The following FARP1 variants were observed in gnomAD, a reference collection of about 807,000 sequenced individuals.
The protein encoded by FARP1 is FERM, ARH/RhoGEF and pleckstrin domain protein 1, also known as FERM, ARHGEF and pleckstrin domain-containing protein 1.
Under a neutral mutation model 128.8 loss-of-function variants are expected in FARP1, and 52 were observed. The ratio of observed to expected loss-of-function variants is 0.40; its 90% confidence interval spans 0.32 to 0.51. The LOEUF (loss-of-function observed/expected upper bound fraction) is 0.51, where lower values mean the gene tolerates loss of function less well. FARP1 is among the 20% of genes least tolerant of loss of function. The pLI, the probability that FARP1 is intolerant of heterozygous loss-of-function variation, is 0.45. For synonymous variants in FARP1, 580 were observed against 551.8 expected (o/e 1.05, Z -0.72); for missense variants, 1,333 against 1,367.9 (o/e 0.97, Z 0.40).
chr13:98,171,379 T>C (rs1479683577), intron 1 of FARP1, among the ~76,000 whole-genome samples: 1 of 152,196 alleles, frequency 6.6e-6, no homozygotes, highest in Non-Finnish European at 1.5e-5. Context: ...CCCCCTCCCA[T>C]TCAGCATGAG....
chr13:98,203,742 T>C (rs1880096888), intron 1 of FARP1: 2 of 152,164 alleles, frequency 1.3e-5, no homozygotes, highest in African/African-American at 4.8e-5. Flanking sequence ...ATGTTTTCAT[T>C]TGTCCTGGGA....
chr13:98,233,031 G>A (rs1215826480), intron 2 of FARP1, among the ~76,000 whole-genome samples: 4 of 152,198 alleles, frequency 2.6e-5, no homozygotes, highest in Non-Finnish European at 5.9e-5. Flanking sequence ...GGCTGTAAGC[G>A]AGCACTTGCC....
intron 2 of FARP1, among the ~76,000 whole-genome samples, chr13:98,270,069 A>G (rs1276166609): frequency 2.0e-5 from 3 of 152,218 alleles, no homozygotes; most frequent in Non-Finnish European, 4.4e-5. Context: ...CACTGAATCT[A>G]ACTGAAAGGC....
chr13:98,176,736 G>C lies in FARP1; in HGVS notation c.-24+33244G>C. On this transcript the variant is annotated intron_variant, in intron 1 of 26. Transcript: ENST00000319562. The surrounding 1 kb of genome is among the most constrained non-coding windows in gnomAD (Gnocchi z 6.2). ...GGCCCTTCCTCGCCATCCCCGAGGA[G>C]GAGTTGCCCATGGACGTGTCCTTGG... The C allele has an allele frequency of 6.2e-7, 1 of 1,614,110 alleles. No individual in the cohort carries two copies. The highest frequency in any genetic ancestry group is 8.5e-7 in the Non-Finnish European group (1 of 1,179,988).
chr13:98,436,981 G>A (rs1892294948), intron 19 of FARP1, among the ~76,000 whole-genome samples: 1 of 152,212 alleles, frequency 6.6e-6, no homozygotes, highest in South Asian at 2.1e-4. Flanking sequence ...GTGGCCCTGG[G>A]TTCAAAGTCT....
chr13:98,415,913 C>T (rs1193884457), intron 16 of FARP1, among the ~76,000 whole-genome samples: 4 of 152,260 alleles, frequency 2.6e-5, no homozygotes, highest in Non-Finnish European at 2.9e-5. Context: ...GTGTGGGCCT[C>T]GTTGAACCGC....
chr13:98,361,481 G>A (rs542977498), intron 3 of FARP1, among the ~76,000 whole-genome samples: 21 of 152,286 alleles, frequency 1.4e-4, no homozygotes, highest in East Asian at 3.9e-4. Flanking sequence ...TCATTGATTC[G>A]TCCTGGGGAG....
chr13:98,181,595 ATATTATT>A (rs1878515609), intron 1 of FARP1, among the ~76,000 whole-genome samples: 2 of 137,028 alleles, frequency 1.5e-5, no homozygotes, highest in African/African-American at 5.2e-5. Flanking sequence ...TTTAGAAATA[ATATTATT>A]TATTTATTTA....
intron 2 of FARP1, among the ~76,000 whole-genome samples, chr13:98,270,530 A>T (rs1262922431): frequency 6.6e-6 from 1 of 152,170 alleles, no homozygotes; most frequent in Non-Finnish European, 1.5e-5. Context: ...TTGAATGCTC[A>T]TCCTGAGGAC....
chr13:98,295,104 C>CACAT (rs1311993898), intron 2 of FARP1, among the ~76,000 whole-genome samples: 8 of 25,494 alleles, frequency 3.1e-4, no homozygotes, highest in African/African-American at 5.3e-4. Context: ...CACACACACA[C>CACAT]ATATATCCCC....
chr13:98,393,902 G>A (rs1273320036), intron 12 of FARP1, among the ~76,000 whole-genome samples, 184 bp downstream of exon 12: 1 of 152,204 alleles, frequency 6.6e-6, no homozygotes, highest in African/African-American at 2.4e-5. Context: ...CCGGCAGCCT[G>A]GGCTCAGAGG....
chr13:98,310,555 G>A (rs961357741), intron 2 of FARP1, among the ~76,000 whole-genome samples: 7 of 152,316 alleles, frequency 4.6e-5, no homozygotes, highest in African/African-American at 1.7e-4. Flanking sequence ...AGTCTGAAAT[G>A]TGGAGGTTTC....
chr13:98,268,889 A>AT (rs552700568), intron 2 of FARP1, among the ~76,000 whole-genome samples: 1 of 148,704 alleles, frequency 6.7e-6, no homozygotes, highest in African/African-American at 2.5e-5. Context: ...ATTTATTTTT[A>AT]TTTTTTTATT....
chr13:98,207,418 C>T (rs1880336416), intron 1 of FARP1, among the ~76,000 whole-genome samples: 1 of 152,060 alleles, frequency 6.6e-6, no homozygotes, highest in African/African-American at 2.4e-5. Context: ...GGATTCAGTT[C>T]AGAGGATGAG....
At chr13:98,308,188 T>G (rs989534729) in intron 2 of FARP1, among the ~76,000 whole-genome samples, 1 of 152,082 alleles carries the variant, frequency 6.6e-6, no homozygotes, top group Non-Finnish European at 1.5e-5. Context: ...ACATTTGACT[T>G]TGTTTACGTG....
chr13:98,229,182 A>G (rs1881968898), intron 2 of FARP1, among the ~76,000 whole-genome samples: 2 of 152,124 alleles, frequency 1.3e-5, no homozygotes, highest in South Asian at 4.1e-4. Context: ...CACATTTTCT[A>G]TTTACCCTTC....
chr13:98,351,327 G>T (rs780708360), intron 3 of FARP1, among the ~76,000 whole-genome samples: 1 of 152,152 alleles, frequency 6.6e-6, no homozygotes, highest in Non-Finnish European at 1.5e-5. Context: ...AAGAAAAGAG[G>T]TTTGGCCGGG....
intron 17 of FARP1, among the ~76,000 whole-genome samples, chr13:98,429,868 C>T (rs1173652458): frequency 6.6e-6 from 1 of 152,220 alleles, no homozygotes; most frequent in African/African-American, 2.4e-5. Flanking sequence ...AAGTCAATTA[C>T]AAAACCTTTC....
At chr13:98,322,946 T>C (rs933713192) in intron 2 of FARP1, among the ~76,000 whole-genome samples, 2 of 152,202 alleles carry the variant, frequency 1.3e-5, no homozygotes, top group East Asian at 1.9e-4. Context: ...AGGAAAATAT[T>C]TGCATTCGTA....
Sources: gnomAD v4.1 joint callset for allele counts (sites outside exome capture counted in the v4.1 genomes callset) on GRCh38, gnomAD v4.1.1 for gene constraint, Gnocchi (gnomAD v3.1) non-coding constraint, MANE v1.5 for transcripts, NCBI Gene and HGNC (gene_info 2026-07-23, HGNC 2026-07-21) for gene names.